Variants in ERAP1 observed in about 807,000 individuals in gnomAD.
ERAP1 encodes endoplasmic reticulum aminopeptidase 1.
ERAP1 carries 86 observed loss-of-function variants against 103.7 expected under a neutral mutation model. That is an observed-to-expected ratio of 0.83 (90% CI 0.70 to 0.99). The LOEUF is 0.99. ERAP1 is among the 50% of genes least tolerant of loss of function. The pLI, the probability that ERAP1 is intolerant of heterozygous loss-of-function variation, is 0.00. For synonymous variants in ERAP1, 398 were observed against 402.4 expected (o/e 0.99, Z 0.13); for missense variants, 1,009 against 1,128.4 (o/e 0.89, Z 1.52).
the ERAP1 span, among the ~76,000 whole-genome samples, chr5:96,846,770 ACTC>A: frequency 3.9e-5 from 6 of 151,944 alleles, no homozygotes; most frequent in Non-Finnish European, 2.9e-5. Flanking sequence ...AAAAGTATAA[ACTC>A]AGAAATGGAG....
At chr5:96,807,732 C>G (rs1281796464) in intron 1 of ERAP1, 128 bp downstream of exon 1, 2 of 595,150 alleles carry the variant, frequency 3.4e-6, no homozygotes, top group East Asian at 2.7e-4. Context: ...TCCCTCCTCC[C>G]GTGCCCCGTC....
chr5:96,884,629 T>G, the ERAP1 span, among the ~76,000 whole-genome samples: 1 of 152,094 alleles, frequency 6.6e-6, no homozygotes, highest in Non-Finnish European at 1.5e-5. Context: ...GTGATCTCGG[T>G]TCACTACAAC....
chr5:96,861,852 G>A, the ERAP1 span, among the ~76,000 whole-genome samples: 6 of 152,086 alleles, frequency 3.9e-5, no homozygotes, highest in Admixed American at 6.6e-5. Flanking sequence ...ACATCCTTGC[G>A]GGAATTCTGT....
intron 5 of ERAP1, 145 bp from the exon 6 acceptor site, chr5:96,794,102 G>A (rs1777046322): frequency 3.8e-5 from 23 of 598,688 alleles, no homozygotes; most frequent in Admixed American, 3.7e-4. Flanking sequence ...TCACAATGGA[G>A]AAAAAGAGGC....
chr5:96,801,065 T>C, intron 2 of ERAP1, 65 bp from the exon 3 acceptor site: 3 of 1,553,052 alleles, frequency 1.9e-6, no homozygotes, highest in South Asian at 2.2e-5. Context: ...AACAGGTGTT[T>C]GCTTTTTAAT....
intron 19 of ERAP1, chr5:96,763,238 T>C (rs1768639497): frequency 1.3e-6 from 1 of 780,612 alleles, no homozygotes; most frequent in African/African-American, 1.7e-5. Context: ...TCTGAAAATA[T>C]CCAGAGGCAC....
chr5:96,783,254 G>C lies in ERAP1; in HGVS notation c.2101-19C>G. ...GGAAGGCCTGAGGGCGTTGTACAGG[G>C]AAACAGGGACCAGTATTGTCACAGG... On this transcript the variant is annotated intron_variant, in intron 14 of 18. Coordinates refer to ENST00000443439, the MANE Select transcript of ERAP1 (RefSeq NM_001040458.3). The C allele has an allele frequency of 6.2e-7, 1 of 1,600,438 alleles. No homozygotes were observed. The highest frequency in any genetic ancestry group is 8.5e-7 in the Non-Finnish European group (1 of 1,170,642).
At chr5:96,884,555 TTTTG>T in the ERAP1 span, among the ~76,000 whole-genome samples, 1 of 151,156 alleles carries the variant, frequency 6.6e-6, no homozygotes, top group Non-Finnish European at 1.5e-5. Flanking sequence ...TATACAAGTT[TTTTG>T]TTTGTTTGTT....
chr5:96,866,854 G>A, the ERAP1 span, among the ~76,000 whole-genome samples: 1 of 152,192 alleles, frequency 6.6e-6, no homozygotes, highest in Non-Finnish European at 1.5e-5. Flanking sequence ...TCTGAAGCCA[G>A]GAGTTCCATA....
At chr5:96,798,994 A>G (rs1777680247) in intron 3 of ERAP1, among the ~76,000 whole-genome samples, 1 of 150,634 alleles carries the variant, frequency 6.6e-6, no homozygotes. Context: ...CAGCCCCCCA[A>G]GTAGCTAAGA....
At chr5:96,801,544 T>C (rs149343285) in intron 2 of ERAP1, among the ~76,000 whole-genome samples, 47 of 151,914 alleles carry the variant, frequency 3.1e-4, no homozygotes, top group African/African-American at 1.0e-3. Context: ...TTAATAGCCT[T>C]AACAGATAGT....
At chr5:96,895,595 TA>T in the ERAP1 span, among the ~76,000 whole-genome samples, 3 of 152,186 alleles carry the variant, frequency 2.0e-5, no homozygotes, top group African/African-American at 7.2e-5. Flanking sequence ...GGCAAACTAA[TA>T]CAAATGTAGA....
At chr5:96,781,338 T>G (rs1775141702) in intron 16 of ERAP1, 140 bp from the exon 17 acceptor site, 1 of 825,052 alleles carries the variant, frequency 1.2e-6, no homozygotes, top group Non-Finnish European at 1.9e-6. Flanking sequence ...ACCACAATCC[T>G]GATAAACCCA....
chr5:96,812,489 AG>A (rs1779209246), upstream of ERAP1, among the ~76,000 whole-genome samples: 1 of 152,242 alleles, frequency 6.6e-6, no homozygotes, highest in Non-Finnish European at 1.5e-5. Context: ...TCCAGCCAGG[AG>A]TGAACATGAT....
the ERAP1 span, among the ~76,000 whole-genome samples, chr5:96,834,923 A>G: frequency 6.6e-6 from 1 of 152,200 alleles, no homozygotes; most frequent in South Asian, 2.1e-4. Flanking sequence ...CCATTGAATC[A>G]AAATCTGATT....
chr5:96,765,992 A>G (rs904377806), intron 19 of ERAP1: 2 of 926,690 alleles, frequency 2.2e-6, no homozygotes, highest in African/African-American at 1.6e-5. Flanking sequence ...GCATTTGACA[A>G]TGTATTTTCT....
the ERAP1 span, among the ~76,000 whole-genome samples, chr5:96,904,148 G>A: frequency 1.3e-5 from 2 of 152,112 alleles, no homozygotes; most frequent in Non-Finnish European, 2.9e-5. Flanking sequence ...ACGTTTGTAG[G>A]GAAATGAAGT....
At chr5:96,838,060 TG>T in the ERAP1 span, among the ~76,000 whole-genome samples, 6 of 127,558 alleles carry the variant, frequency 4.7e-5, no homozygotes, top group African/African-American at 1.8e-4. Flanking sequence ...GGATGGGGGG[TG>T]GGGTGGGCCA....
intron 19 of ERAP1, chr5:96,768,347 G>T (rs746488538): frequency 9.1e-6 from 4 of 438,824 alleles, no homozygotes; most frequent in South Asian, 6.8e-5. Flanking sequence ...ACCTCCCAAA[G>T]TACTGGGATT....
Sources: gnomAD v4.1 joint callset for allele counts (sites outside exome capture counted in the v4.1 genomes callset) on GRCh38, gnomAD v4.1.1 for gene constraint, MANE v1.5 for transcripts, NCBI Gene and HGNC (gene_info 2026-07-23, HGNC 2026-07-21) for gene names.